Variants in HDHD2 observed in about 807,000 individuals in gnomAD.
HDHD2 encodes haloacid dehalogenase like hydrolase domain containing 2.
In HDHD2, 26 loss-of-function variants were observed where a neutral mutation model predicts 24.8. The ratio of observed to expected loss-of-function variants is 1.05; its 90% CI spans 0.77 to 1.45. The LOEUF is 1.45. HDHD2 is among the 40% of genes most tolerant of loss of function. The pLI, the probability that HDHD2 is intolerant of heterozygous loss-of-function variation, is 0.00. For synonymous variants in HDHD2, 128 were observed against 114.9 expected, an observed-to-expected ratio of 1.11 and a Z score of -0.73; for missense variants, 299 against 313.4, an observed-to-expected ratio of 0.95 and a Z score of 0.35.
intron 4 of HDHD2, among the ~76,000 whole-genome samples, chr18:47,126,686 G>A (rs1222229069): frequency 1.3e-5 from 2 of 151,970 alleles, no homozygotes; most frequent in African/African-American, 4.8e-5. Context: ...AGGAGATGGA[G>A]AGCAGTTTCT....
At chr18:47,111,736 C>CT in intron 6 of HDHD2, 1 of 985,278 alleles carries the variant, frequency 1.0e-6, no homozygotes, top group South Asian at 4.7e-5. Context: ...TTGTGCAGAC[C>CT]TTTGCCACAT....
Position 47,113,189 on chromosome 18 carries a change from A to T in HDHD2, c.613-149T>A, listed in dbSNP as rs544955339. On this transcript the variant is annotated intron_variant, in intron 5 of 6. Coordinates refer to ENST00000300605, the MANE Select transcript of HDHD2 (RefSeq NM_032124.5). Reference sequence around the variant, plus strand: ...AAGAGAAGATGTAAAAGGTGAATCCACATGTAATACTCTGAGGAAGCATTC... The same window carrying T: ...AAGAGAAGATGTAAAAGGTGAATCCTCATGTAATACTCTGAGGAAGCATTC... The T allele has an allele frequency of 1.4e-4, 95 of 689,618 alleles. 2 individuals are homozygous for T. The highest frequency in any genetic ancestry group is 1.1e-3 in the South Asian group (62 of 57,052). 42.7% of individuals were successfully genotyped at this position (689,618 alleles called of 1,614,324 possible).
chr18:47,116,451 T>C (rs2063558576), intron 4 of HDHD2, among the ~76,000 whole-genome samples: 1 of 152,234 alleles, frequency 6.6e-6, no homozygotes, highest in Admixed American at 6.5e-5. Context: ...GGCATGGAAA[T>C]GCCTTCCTGT....
rs571923461 is a variant in HDHD2 at position 47,120,771 on chromosome 18, G to A, written c.396-5423C>T. Among the ~76,000 whole-genome samples, 4 of 152,236 alleles carry A rather than the reference G, an allele frequency of 2.6e-5. No homozygotes were observed. The East Asian group carries it at 7.7e-4, about 29-fold the overall frequency. ...TTAAACACTCAGGGGCCACTGTAGGGTTATCAATTGGCCTAATCTGAGCAT... is the reference window on the plus strand; with the variant it reads ...TTAAACACTCAGGGGCCACTGTAGGATTATCAATTGGCCTAATCTGAGCAT... On this transcript the variant is annotated intron_variant, in intron 4 of 6. Transcript: ENST00000300605.
intron 4 of HDHD2, among the ~76,000 whole-genome samples, chr18:47,124,706 CAAAAAA>C (rs34350751): frequency 2.3e-5 from 1 of 43,370 alleles, no homozygotes; most frequent in Non-Finnish European, 3.9e-5. Flanking sequence ...AACTCTGACT[CAAAAAA>C]AAAAAAAAAA....
At chr18:47,113,498 G>A (rs937565591) in intron 5 of HDHD2, among the ~76,000 whole-genome samples, 2 of 152,148 alleles carry the variant, frequency 1.3e-5, no homozygotes, top group African/African-American at 4.8e-5. Context: ...CTAACAGGTA[G>A]AATCAAGTTA....
chr18:47,150,415 T>C lies in HDHD2; in HGVS notation c.-48A>G, dbSNP rs2063920199. 1 of 152,400 alleles carries C rather than the reference T, an allele frequency of 6.6e-6. No homozygotes were observed. The highest frequency in any genetic ancestry group is 1.5e-5 in the Non-Finnish European group (1 of 68,174). The allele number at this position is 152,400 out of a possible 1,614,324, so 9.4% of individuals were successfully genotyped here. Reference sequence around the variant, plus strand: ...CGCCGTCCTCAGGAAAGGCCCCCGCTAATGGCAAAGCCAGCCACCCGCACT... The same window carrying C: ...CGCCGTCCTCAGGAAAGGCCCCCGCCAATGGCAAAGCCAGCCACCCGCACT... On this transcript the variant is annotated 5_prime_UTR_variant, in exon 1 of 7. Transcript: ENST00000300605.
At chr18:47,113,660 A>G (rs951605286) in intron 5 of HDHD2, among the ~76,000 whole-genome samples, 1 of 152,234 alleles carries the variant, frequency 6.6e-6, no homozygotes, top group Non-Finnish European at 1.5e-5. Context: ...AAGGTAATTA[A>G]AATTCCAAGG....
At chr18:47,110,099 CCA>C in intron 6 of HDHD2, 1 of 985,372 alleles carries the variant, frequency 1.0e-6, no homozygotes, top group Non-Finnish European at 1.2e-6. Context: ...TCTGCTTTTC[CCA>C]GTTTTCTCTG....
At chr18:47,129,536 C>T (rs764902948) in intron 4 of HDHD2, among the ~76,000 whole-genome samples, 63 of 152,248 alleles carry the variant, frequency 4.1e-4, no homozygotes, top group Non-Finnish European at 8.2e-4. Flanking sequence ...AAAAGTAAGA[C>T]ATGCTGATGG....
chr18:47,129,880 C>T (rs1361836630), intron 4 of HDHD2, among the ~76,000 whole-genome samples: 2 of 152,042 alleles, frequency 1.3e-5, no homozygotes, highest in Non-Finnish European at 2.9e-5. Flanking sequence ...TGGAGACCTC[C>T]CTGAGTAACG....
intron 1 of HDHD2, chr18:47,137,059 C>T: frequency 2.8e-6 from 2 of 725,890 alleles, no homozygotes; most frequent in Non-Finnish European, 2.6e-6. Flanking sequence ...AAACTGAGAA[C>T]AACGATCATA....
At position 47,111,517 on chromosome 18, in the gene HDHD2, C is replaced by T. The variant is rs565914722; in HGVS notation, c.676+1460G>A. ...GAAAACAAAGATACATGGAGGCTGA[C>T]GAGTGTGGCTACTTTTCCAGACTTC... On this transcript the variant is annotated intron_variant, in intron 6 of 6. Coordinates refer to ENST00000300605, the MANE Select transcript of HDHD2 (RefSeq NM_032124.5). 37 of 985,326 alleles carry T rather than the reference C, an allele frequency of 3.8e-5. No homozygotes were observed. The African/African-American group carries it at 5.6e-4, about 15-fold the overall frequency. The allele number at this position is 985,326 out of a possible 1,614,324, so 61.0% of individuals were successfully genotyped here.
chr18:47,147,854 A>T lies in HDHD2; in HGVS notation c.-11+2524T>A, dbSNP rs143439437. 3.9e-5 allele frequency among the ~76,000 whole-genome samples: 6 copies of T among 152,326 alleles called. No individual in the cohort carries two copies. The East Asian group carries it at 1.2e-3, about 29-fold the overall frequency. ...CTGGAGCACCACATATTTGAGAGTG[A>T]CTGACTAAGGCCTAGAATAAAATTG... On this transcript the variant is annotated intron_variant, in intron 1 of 6. Coordinates refer to ENST00000300605, the MANE Select transcript of HDHD2 (RefSeq NM_032124.5).
At chr18:47,122,792 C>G (rs1441601734) in intron 4 of HDHD2, among the ~76,000 whole-genome samples, 1 of 151,716 alleles carries the variant, frequency 6.6e-6, no homozygotes, top group Non-Finnish European at 1.5e-5. Context: ...TAAAAATCTA[C>G]GAATACTACA....
intron 3 of HDHD2, among the ~76,000 whole-genome samples, chr18:47,131,943 A>G (rs1032454043): frequency 3.9e-5 from 6 of 152,150 alleles, no homozygotes; most frequent in African/African-American, 1.4e-4. Flanking sequence ...GTTCATTTCT[A>G]TTTGGAGGCT....
At chr18:47,146,431 C>G (rs2063871149) in intron 1 of HDHD2, among the ~76,000 whole-genome samples, 3 of 152,138 alleles carry the variant, frequency 2.0e-5, no homozygotes, top group Admixed American at 1.3e-4. Context: ...TATACTTGTA[C>G]AAGCATTTTG....
At chr18:47,132,909 G>A (rs1286435349) in intron 3 of HDHD2, among the ~76,000 whole-genome samples, 1 of 152,194 alleles carries the variant, frequency 6.6e-6, no homozygotes, top group Non-Finnish European at 1.5e-5. Flanking sequence ...AGGTCCTGGT[G>A]TATCTCATTT....
At position 47,147,820 on chromosome 18, in the gene HDHD2, A is replaced by T. The variant is rs977954847; in HGVS notation, c.-11+2558T>A. 9.9e-5 allele frequency among the ~76,000 whole-genome samples: 15 copies of T among 152,254 alleles called. No homozygotes were observed. The East Asian group carries it at 2.7e-3, about 27-fold the overall frequency. On this transcript the variant is annotated intron_variant, in intron 1 of 6. Transcript: ENST00000300605. ...ATAGAACGTACCTTTTAAACTCTAA[A>T]ATGCTCTTCTGGAGCACCACATATT...
Sources: allele counts gnomAD v4.1 joint callset (sites outside exome capture counted in the v4.1 genomes callset), GRCh38; gene constraint gnomAD v4.1.1; transcripts MANE v1.5; gene names NCBI Gene and HGNC (gene_info 2026-07-23, HGNC 2026-07-21).